RBFOX1: variants seen among roughly 807,000 people sequenced by gnomAD.
RBFOX1 encodes the protein RNA binding fox-1 homolog 1, also known as RNA binding protein fox-1 homolog 1.
Under a neutral mutation model 57.7 loss-of-function variants are expected in RBFOX1, and 8 were observed. The ratio of observed to expected loss-of-function variants is 0.14; its 90% confidence interval spans 0.08 to 0.25. The LOEUF is 0.25. Among genes scored for constraint, RBFOX1 ranks in the 10% least tolerant of loss-of-function variants. RBFOX1 has a pLI of 1.00. For synonymous variants in RBFOX1, 326 were observed against 222.4 expected, an observed-to-expected ratio of 1.47 and a Z score of -4.15; for missense variants, 611 against 548.5, an observed-to-expected ratio of 1.11 and a Z score of -1.14.
chr16:5,988,807 G>C (rs1346172037), intron 4 of RBFOX1, among the ~76,000 whole-genome samples: 1 of 152,054 alleles, frequency 6.6e-6, no homozygotes, highest in African/African-American at 2.4e-5. Flanking sequence ...ATAAAATTCA[G>C]CTTAAATGCA....
At chr16:7,006,886 C>G (rs116386127) in intron 3 of RBFOX1, among the ~76,000 whole-genome samples, 9 of 152,328 alleles carry the variant, frequency 5.9e-5, no homozygotes, top group South Asian at 2.1e-4. Context: ...AGCCTTTGTT[C>G]TGCCTTTAAC....
chr16:6,965,923 C>T (rs1288879502), intron 3 of RBFOX1, among the ~76,000 whole-genome samples: 2 of 152,214 alleles, frequency 1.3e-5, no homozygotes, highest in East Asian at 1.9e-4. Flanking sequence ...GCAGAGTTGG[C>T]ATTTAGCATC....
intron 4 of RBFOX1, among the ~76,000 whole-genome samples, chr16:7,392,956 C>G (rs1216589171): frequency 6.6e-6 from 1 of 152,084 alleles, no homozygotes; most frequent in Non-Finnish European, 1.5e-5. Context: ...TCACTGCAAC[C>G]TCCGCCTCCC....
At chr16:7,032,455 A>AC (rs1439783256) in intron 3 of RBFOX1, among the ~76,000 whole-genome samples, 1 of 152,090 alleles carries the variant, frequency 6.6e-6, no homozygotes, top group Admixed American at 6.5e-5. Flanking sequence ...AAACAAACAA[A>AC]TAAATAAATA....
downstream of RBFOX1, among the ~76,000 whole-genome samples, chr16:5,603,608 C>T (rs916074960): frequency 6.6e-5 from 10 of 152,132 alleles, no homozygotes; most frequent in East Asian, 1.9e-3. Context: ...TCTTTCTGCC[C>T]CTCGATACAT....
chr16:7,399,784 T>G (rs896733362), intron 4 of RBFOX1, among the ~76,000 whole-genome samples: 2 of 152,174 alleles, frequency 1.3e-5, no homozygotes, highest in African/African-American at 4.8e-5. Context: ...CCAAATAAGG[T>G]CATAGTCACA....
chr16:5,989,913 A>C (rs2060362170), intron 4 of RBFOX1, among the ~76,000 whole-genome samples: 1 of 137,958 alleles, frequency 7.2e-6, no homozygotes, highest in Admixed American at 7.6e-5. Flanking sequence ...GTAACCACCC[A>C]GGTTGGTCTG....
intron 3 of RBFOX1, among the ~76,000 whole-genome samples, chr16:6,927,823 C>G (rs371469771): frequency 8.5e-5 from 13 of 152,218 alleles, no homozygotes; most frequent in African/African-American, 3.1e-4. Flanking sequence ...AAGCCTAACA[C>G]TGAAGGAAAT....
chr16:6,499,230 A>G (rs1007901646), intron 2 of RBFOX1, among the ~76,000 whole-genome samples: 2 of 152,170 alleles, frequency 1.3e-5, no homozygotes, highest in Non-Finnish European at 1.5e-5. Flanking sequence ...CCATTCTTCA[A>G]AATGATATGG....
At chr16:7,581,498 G>A (rs1289449016) in intron 6 of RBFOX1, among the ~76,000 whole-genome samples, 2 of 151,862 alleles carry the variant, frequency 1.3e-5, no homozygotes, top group Non-Finnish European at 2.9e-5. Flanking sequence ...TCCCCTTAAT[G>A]ACCGTCCTGA....
At chr16:6,990,735 T>G (rs929764973) in intron 3 of RBFOX1, among the ~76,000 whole-genome samples, 9 of 152,160 alleles carry the variant, frequency 5.9e-5, no homozygotes, top group African/African-American at 2.2e-4. Context: ...TTCTTAAGCT[T>G]ACTGGTCTTC....
At position 7,671,563 on chromosome 16, in the gene RBFOX1, G is replaced by A. The variant is rs1279254693; in HGVS notation, c.931-5211G>A. On this transcript the variant is annotated intron_variant, in intron 13 of 15. Coordinates refer to ENST00000550418, the MANE Select transcript of RBFOX1 (RefSeq NM_018723.4). ...CATTTCTGTTTCCTTATAGAGTAGT[G>A]TATCAAGAGCCTGTGTATGGCAATA... The A allele has an allele frequency of 6.2e-7, 1 of 1,610,118 alleles. No individual in the cohort carries two copies. The highest frequency in any genetic ancestry group is 1.3e-5 in the African/African-American group (1 of 74,800).
chr16:5,539,145 G>A (rs929225250), intron 2 of RBFOX1, among the ~76,000 whole-genome samples: 2 of 152,158 alleles, frequency 1.3e-5, no homozygotes, highest in Non-Finnish European at 2.9e-5. Flanking sequence ...GGGCTTCCAG[G>A]TGCATGGTTC....
intron 3 of RBFOX1, among the ~76,000 whole-genome samples, chr16:5,724,229 G>C (rs1231845691): frequency 1.3e-5 from 2 of 152,168 alleles, no homozygotes; most frequent in Admixed American, 1.3e-4. Flanking sequence ...CCAAGGGCTG[G>C]AAAGGCCCCA....
intron 3 of RBFOX1, among the ~76,000 whole-genome samples, chr16:6,706,473 A>C (rs1264741015): frequency 6.6e-6 from 1 of 152,236 alleles, no homozygotes; most frequent in African/African-American, 2.4e-5. Context: ...CCTGTAGGAC[A>C]GCCTGATGGC....
chr16:6,904,648 T>C (rs573073327), intron 3 of RBFOX1, among the ~76,000 whole-genome samples: 10 of 132,020 alleles, frequency 7.6e-5, no homozygotes, highest in South Asian at 2.6e-4. Flanking sequence ...GAAAGAAAAA[T>C]TCATACATCT....
intron 3 of RBFOX1, among the ~76,000 whole-genome samples, chr16:5,625,198 C>T (rs530037506): frequency 1.3e-5 from 2 of 151,870 alleles, no homozygotes; most frequent in African/African-American, 2.4e-5. Flanking sequence ...GATGAGCCCC[C>T]CAGAACAGGG....
At chr16:6,430,967 G>GA (rs59044318) in intron 2 of RBFOX1, among the ~76,000 whole-genome samples, 26,653 of 90,286 alleles carry the variant, frequency 0.3, 3,317 homozygotes, top group East Asian at 0.37. Context: ...CTCATCTCCA[G>GA]AAAAAAAAAA....
intron 4 of RBFOX1, among the ~76,000 whole-genome samples, chr16:5,999,220 C>G (rs2060543823): frequency 6.6e-6 from 1 of 152,160 alleles, no homozygotes; most frequent in Non-Finnish European, 1.5e-5. Flanking sequence ...CTCACCTCTT[C>G]CCTTCTCCCA....
Sources: gnomAD v4.1 joint callset for allele counts (sites outside exome capture counted in the v4.1 genomes callset) on GRCh38, gnomAD v4.1.1 for gene constraint, MANE v1.5 for transcripts, NCBI Gene and HGNC (gene_info 2026-07-23, HGNC 2026-07-21) for gene names.